Variants in RBM41 observed in about 807,000 individuals in gnomAD.
The protein encoded by RBM41 is RNA-binding protein 41.
RBM41 carries 14 observed loss-of-function variants against 30.8 expected under a neutral mutation model. That is an observed-to-expected ratio of 0.45 (90% CI 0.30 to 0.71). The LOEUF (loss-of-function observed/expected upper bound fraction) is 0.71. Among genes scored for constraint, RBM41 ranks in the 30% least tolerant of loss-of-function variants. RBM41 has a pLI of 0.08. For missense variants in RBM41, 276 were observed against 326.3 expected (o/e 0.85, Z 1.19); for synonymous variants, 120 against 110.1 (o/e 1.09, Z -0.56).
intron 6 of RBM41, among the ~76,000 whole-genome samples, chrX:107,076,666 ATATTG>A (rs1426739710): frequency 1.8e-5 from 2 of 111,492 alleles, no homozygotes; most frequent in Non-Finnish European, 3.8e-5. Flanking sequence ...ATTATTCACA[ATATTG>A]TATTGTACAC....
At chrX:107,081,965 AAG>A (rs1921562181) in intron 6 of RBM41, among the ~76,000 whole-genome samples, 1 of 111,893 alleles carries the variant, frequency 8.9e-6, no homozygotes, top group Non-Finnish European at 1.9e-5. Flanking sequence ...CTTGTGAACA[AAG>A]AGAGTTTTAT....
At chrX:107,102,114 A>T (rs776297678) in intron 5 of RBM41, among the ~76,000 whole-genome samples, 12 of 111,699 alleles carry the variant, frequency 1.1e-4, no homozygotes, top group Admixed American at 9.5e-4. Flanking sequence ...AAGGCCTTAG[A>T]AGGAAATGAT....
intron 5 of RBM41, among the ~76,000 whole-genome samples, chrX:107,106,292 A>T (rs1923980075): frequency 8.9e-6 from 1 of 112,381 alleles, no homozygotes; most frequent in South Asian, 3.7e-4. Flanking sequence ...TGGCCATCAG[A>T]GAAATGCAAA....
At chrX:107,054,316 C>A in the RBM41 span, among the ~76,000 whole-genome samples, 2 of 111,616 alleles carry the variant, frequency 1.8e-5, no homozygotes, top group African/African-American at 6.5e-5. Context: ...TGAGGCCAAT[C>A]CTTTGCCACT....
At position 107,088,644 on chromosome X, in the gene RBM41, C is replaced by T. The variant is rs1228833650; in HGVS notation, c.791G>A (p.Gly264Glu). The change falls in exon 6 of 8, where the codon GGA (glycine) becomes GAA (glutamate). Residue 264 changes from glycine (G) to glutamate (E), a missense_variant. Physicochemically the swap from Gly to Glu is moderately conservative, Grantham distance 98. Transcript: ENST00000685964. ...GCCTTTACCCTGTGCTGCCTGTTTT[C>T]CCTTGTCCTGGAGTAATGATGGGCT... ...AESPSLLQDKGKQAAQGKGPS... is the reference protein window; with the variant it reads ...AESPSLLQDKEKQAAQGKGPS... 5 of 1,209,340 alleles carry T rather than the reference C, an allele frequency of 4.1e-6. No homozygotes were observed. In the African/African-American group the frequency reaches 8.8e-5, roughly 21 times the overall value.
the RBM41 span, among the ~76,000 whole-genome samples, chrX:107,055,473 C>T: frequency 5.4e-5 from 6 of 111,231 alleles, no homozygotes; most frequent in African/African-American, 2.0e-4. Context: ...TACAGGCGCC[C>T]GCCACCACGC....
At chrX:107,108,023 G>A (rs1277192047) in intron 5 of RBM41, among the ~76,000 whole-genome samples, 1 of 111,460 alleles carries the variant, frequency 9.0e-6, no homozygotes, top group Non-Finnish European at 1.9e-5. Context: ...TTTGTCTCGA[G>A]ATATAGTAAA....
At chrX:107,107,953 A>G (rs62605986) in intron 5 of RBM41, among the ~76,000 whole-genome samples, 10,368 of 111,246 alleles carry the variant, frequency 0.093, 457 homozygotes, top group Middle Eastern at 0.15. Flanking sequence ...TAGAGATAAT[A>G]TATGTTTCTT....
intron 2 of RBM41, 107 bp downstream of exon 2, chrX:107,116,543 C>A: frequency 9.1e-7 from 1 of 1,100,736 alleles, no homozygotes. Context: ...TGAAGTCTAA[C>A]AAAGAAAGGG....
intron 5 of RBM41, among the ~76,000 whole-genome samples, chrX:107,090,806 T>G (rs1224532450): frequency 9.0e-6 from 1 of 111,219 alleles, no homozygotes; most frequent in African/African-American, 3.3e-5. Context: ...TTTTTTTAAA[T>G]TTTACTTTAA....
rs1157486982 is a variant in RBM41, at chrX:107,066,991, A to C, written c.*536T>G. On this transcript the variant is annotated 3_prime_UTR_variant, in exon 8 of 8. Coordinates refer to ENST00000685964, the MANE Select transcript of RBM41 (RefSeq NM_001324242.2). Reference sequence around the variant, plus strand: ...ATAACTTGTGGAGGAAGCATTCATTAAATAAGTCAACTGACTTATGAAACT... The same window carrying C: ...ATAACTTGTGGAGGAAGCATTCATTCAATAAGTCAACTGACTTATGAAACT... 9.4e-6 allele frequency: 7 copies of C among 743,911 alleles called. No homozygotes were observed. The highest frequency in any genetic ancestry group is 1.1e-5 in the Non-Finnish European group (7 of 631,560). The allele number at this position is 743,911 out of a possible 1,213,427, so 61.3% of individuals were successfully genotyped here.
chrX:107,082,102 A>G (rs758250237), intron 6 of RBM41, among the ~76,000 whole-genome samples: 2 of 111,918 alleles, frequency 1.8e-5, no homozygotes, highest in Admixed American at 1.9e-4. Context: ...TTCTCATCAA[A>G]GGGGAAAGCA....
chrX:107,066,600 G>C lies in RBM41; in HGVS notation c.*927C>G. ...ATGAAAAATGTGAGGCTCAGATTAA[G>C]TGACTTGCCAAGGTCATAGAATGTT... is the stretch of plus-strand genomic sequence containing the variant. On this transcript the variant is annotated 3_prime_UTR_variant, in exon 8 of 8. Coordinates refer to ENST00000685964, the MANE Select transcript of RBM41 (RefSeq NM_001324242.2). The C allele has an allele frequency of 2.2e-6, 1 of 459,938 alleles. No homozygotes were observed. Among genetic ancestry groups the C allele is most frequent in the Non-Finnish European group, 2.7e-6 (1 of 371,599 alleles). The allele number at this position is 459,938 out of a possible 1,213,427, so 37.9% of individuals were successfully genotyped here.
chrX:107,116,628 C>T (rs1321932393), intron 2 of RBM41, 22 bp downstream of exon 2: 7 of 1,206,906 alleles, frequency 5.8e-6, no homozygotes, highest in South Asian at 5.3e-5. Flanking sequence ...TGATACTCTC[C>T]GTTTGCAAAA....
intron 6 of RBM41, among the ~76,000 whole-genome samples, chrX:107,084,249 T>C (rs1003192833): frequency 2.7e-5 from 3 of 110,941 alleles, no homozygotes; most frequent in Non-Finnish European, 5.7e-5. Flanking sequence ...TGAAGCTCTG[T>C]TGATGTAGTA....
At chrX:107,113,926 T>C (rs1924696799) in intron 4 of RBM41, among the ~76,000 whole-genome samples, 1 of 111,878 alleles carries the variant, frequency 8.9e-6, no homozygotes, top group Non-Finnish European at 1.9e-5. Flanking sequence ...TATCTAGTTC[T>C]GACCTCTCTC....
Position 107,076,791 on chromosome X carries a change from C to T in RBM41, c.1000-7389G>A, listed in dbSNP as rs776319502. Reference sequence around the variant, plus strand: ...CTAGCATTAGTTATATCCTTTATAGCTTAAAGGAACTATGGAAGAATTCAG... The same window carrying T: ...CTAGCATTAGTTATATCCTTTATAGTTTAAAGGAACTATGGAAGAATTCAG... On this transcript the variant is annotated intron_variant, in intron 6 of 7. Coordinates refer to ENST00000685964, the MANE Select transcript of RBM41 (RefSeq NM_001324242.2). Among the ~76,000 whole-genome samples, 25 of 111,073 alleles carry T rather than the reference C, an allele frequency of 2.3e-4. No individual in the cohort carries two copies. The South Asian group carries it at 9.5e-3, about 42-fold the overall frequency.
At chrX:107,103,276 A>G (rs1295907092) in intron 5 of RBM41, among the ~76,000 whole-genome samples, 1 of 111,358 alleles carries the variant, frequency 9.0e-6, no homozygotes, top group East Asian at 2.8e-4. Context: ...TAGTTAAATT[A>G]AGATGAAGTA....
chrX:107,080,587 G>A (rs1000673461), intron 6 of RBM41, among the ~76,000 whole-genome samples: 70 of 106,166 alleles, frequency 6.6e-4, no homozygotes, highest in African/African-American at 1.5e-3. Flanking sequence ...CTCAAAACAC[G>A]AAACAAAACA....
Sources: gnomAD v4.1 joint callset for allele counts (sites outside exome capture counted in the v4.1 genomes callset) on GRCh38, gnomAD v4.1.1 for gene constraint, MANE v1.5 for transcripts, NCBI Gene and HGNC (gene_info 2026-07-23, HGNC 2026-07-21) for gene names.